Variants in UBR4 observed in about 807,000 individuals in gnomAD.
UBR4 encodes E3 ubiquitin-protein ligase UBR4.
A neutral mutation model predicts 575.6 loss-of-function variants in UBR4; 124 were observed. The ratio of observed to expected loss-of-function variants is 0.22; its 90% CI spans 0.19 to 0.25. UBR4 has a LOEUF of 0.25. UBR4 is among the 10% of genes least tolerant of loss of function. UBR4 has a pLI of 1.00. For missense variants in UBR4, 4,818 were observed against 6,478.8 expected (o/e 0.74, Z 8.80); for synonymous variants, 2,455 against 2,473.7 (o/e 0.99, Z 0.22).
chr1:19,120,072 C>T (rs2081003536), intron 69 of UBR4, 108 bp downstream of exon 69: 12 of 1,314,574 alleles, frequency 9.1e-6, no homozygotes, highest in South Asian at 1.4e-5. Context: ...TTCAGGCTGG[C>T]GTAACTACTG....
chr1:19,115,763 G>T, intron 73 of UBR4, 126 bp from the exon 74 acceptor site: 6 of 1,424,324 alleles, frequency 4.2e-6, no homozygotes, highest in Non-Finnish European at 4.7e-6. Context: ...CTAAGGAAAA[G>T]AAATCTGGCA....
At position 19,105,045 on chromosome 1, in the gene UBR4, T is replaced by A; in HGVS notation, c.12645+3A>T. ...GGCTCTCTTGGGCAATAGGGTAGGA[T>A]ACCTTGGTGATGAGGTTGCCCACAT... On this transcript the variant is annotated splice_donor_region_variant and intron_variant, in intron 85 of 105. Coordinates refer to ENST00000375254, the MANE Select transcript of UBR4 (RefSeq NM_020765.3). 6.2e-7 allele frequency: 1 copy of A among 1,613,678 alleles called. No individual in the cohort carries two copies. Among genetic ancestry groups the A allele is most frequent in the African/African-American group, 1.3e-5 (1 of 75,010 alleles).
intron 84 of UBR4, among the ~76,000 whole-genome samples, 160 bp downstream of exon 84, chr1:19,105,573 C>A (rs2079096350): frequency 6.6e-6 from 1 of 152,222 alleles, no homozygotes. Flanking sequence ...ACCACCACCA[C>A]TACCATCACT....
At chr1:19,085,234 A>G (rs929250619) in intron 101 of UBR4, among the ~76,000 whole-genome samples, 1 of 152,238 alleles carries the variant, frequency 6.6e-6, no homozygotes, top group Non-Finnish European at 1.5e-5. Flanking sequence ...ACAAGAATAC[A>G]TGCCTGGCCG....
chr1:19,178,693 C>A (rs143764767), intron 18 of UBR4, among the ~76,000 whole-genome samples: 3 of 152,210 alleles, frequency 2.0e-5, no homozygotes, highest in Non-Finnish European at 2.9e-5. Context: ...CCAAAAAACA[C>A]TGCAAGTGCC....
Position 19,161,045 on chromosome 1 carries a change from T to C in UBR4, c.5278A>G (p.Ser1760Gly). 2 of 1,614,168 alleles carry C rather than the reference T, an allele frequency of 1.2e-6. No homozygotes were observed. The highest frequency in any genetic ancestry group is 1.7e-6 in the Non-Finnish European group (2 of 1,180,016). The part of the protein sequence containing the change: ...RISESLVRHA[S>G]TSSPADKAKV... ...GCTTTGTCAGCTGGCGAGGAGGTGC[T>C]GGCATGACGCACTAGACTCTCTGAA... The change falls in exon 38 of 106, where the codon AGC (serine) becomes GGC (glycine). Residue 1760 changes from serine to glycine, a missense_variant. Physicochemically the swap from Ser to Gly is moderately conservative, Grantham distance 56. This residue lies in a region of UBR4 where 159 missense variants were observed against 174.6 expected (regional missense o/e 0.91). Transcript: ENST00000375254.
chr1:19,165,015 G>T lies in UBR4; in HGVS notation c.4313-18C>A. 2.5e-6 allele frequency: 4 copies of T among 1,613,534 alleles called. No homozygotes were observed. Among genetic ancestry groups the T allele is most frequent in the Non-Finnish European group, 3.4e-6 (4 of 1,179,680 alleles). On this transcript the variant is annotated intron_variant, in intron 31 of 105. Transcript: ENST00000375254. ...CTTCTCAGCTAGGAGCAGAACAAGA[G>T]GCCAGGGTCAGTAAAGAAGGGCAAG...
Position 19,176,609 on chromosome 1 carries a change from G to A in UBR4, c.2756C>T (p.Ser919Phe). ...TTTCTGACCTGATGAGAAATGCTTAGACCAGTTTTCTTCTACTTCTTTGAA... is the reference window on the plus strand; with the variant it reads ...TTTCTGACCTGATGAGAAATGCTTAAACCAGTTTTCTTCTACTTCTTTGAA... ...HGFKEVEENW[S>F]KHFSSDAVPH... Residue 919 changes from serine to phenylalanine, a missense_variant, in exon 20 of 106, where the codon TCT (serine) becomes TTT (phenylalanine). Ser to Phe is a radical substitution (Grantham distance 155). This residue lies in a region of UBR4 where 1,172 missense variants were observed against 1,259.7 expected (regional missense o/e 0.93). Transcript: ENST00000375254. The A allele has an allele frequency of 6.2e-7, 1 of 1,613,840 alleles. No individual in the cohort carries two copies. Among genetic ancestry groups the A allele is most frequent in the Non-Finnish European group, 8.5e-7 (1 of 1,179,978 alleles).
intron 34 of UBR4, among the ~76,000 whole-genome samples, chr1:19,162,918 A>G (rs2087628048): frequency 2.0e-5 from 3 of 152,202 alleles, no homozygotes; most frequent in African/African-American, 7.2e-5. Context: ...AAAATCATTC[A>G]AGAAAAGACC....
chr1:19,184,238 CT>C, intron 15 of UBR4, 63 bp from the exon 16 acceptor site: 1 of 1,530,416 alleles, frequency 6.5e-7, no homozygotes, highest in Non-Finnish European at 8.8e-7. Context: ...CCTATAAACT[CT>C]GATTACAAAT....
At chr1:19,148,793 C>A (rs556036101) in intron 49 of UBR4, among the ~76,000 whole-genome samples, 167 bp from the exon 50 acceptor site, 2 of 152,338 alleles carry the variant, frequency 1.3e-5, no homozygotes, top group South Asian at 4.1e-4. Context: ...TCGTTTCCTA[C>A]GTTACAGGCC....
At position 19,192,804 on chromosome 1, in the gene UBR4, C is replaced by T. The variant is rs547108655; in HGVS notation, c.1144-264G>A. Among the ~76,000 whole-genome samples, 54 of 151,362 alleles carry T rather than the reference C, an allele frequency of 3.6e-4. 1 individual carries two copies. In the South Asian group the frequency reaches 5.4e-3, roughly 15 times the overall value. On this transcript the variant is annotated intron_variant, in intron 9 of 105. Transcript: ENST00000375254. The stretch of plus-strand genomic sequence containing the variant: ...TCAGATCACTTTTTTTTTTTTAAGA[C>T]GGAGTTTCACTCTTGTTGTCCAGGC...
intron 105 of UBR4, 76 bp downstream of exon 105, chr1:19,076,664 G>A (rs2075972529): frequency 6.3e-7 from 1 of 1,595,816 alleles, no homozygotes; most frequent in Non-Finnish European, 8.6e-7. Context: ...TGAAGATAAA[G>A]CTACGGATGA....
chr1:19,118,083 C>T, intron 71 of UBR4, 173 bp from the exon 72 acceptor site: 1 of 578,646 alleles, frequency 1.7e-6, no homozygotes, highest in Non-Finnish European at 3.1e-6. Context: ...GGTTACGAAG[C>T]CACAGGAAAG....
intron 31 of UBR4, 56 bp downstream of exon 31, chr1:19,165,193 A>C: frequency 2.6e-6 from 4 of 1,527,958 alleles, no homozygotes; most frequent in Non-Finnish European, 3.6e-6. Flanking sequence ...AGATATGCAC[A>C]GTATTAGCCG....
At chr1:19,075,670 G>A (rs900653225) in intron 105 of UBR4, among the ~76,000 whole-genome samples, 1 of 152,254 alleles carries the variant, frequency 6.6e-6, no homozygotes, top group African/African-American at 2.4e-5. Context: ...ACTGCAAGGG[G>A]CAGCCAATGC....
intron 74 of UBR4, 113 bp from the exon 75 acceptor site, chr1:19,115,062 C>A: frequency 7.0e-7 from 1 of 1,432,060 alleles, no homozygotes; most frequent in Non-Finnish European, 9.5e-7. Flanking sequence ...ACTGCAGGGG[C>A]TACTGAAGGG....
At chr1:19,143,456 T>C (rs1288917526) in intron 55 of UBR4, among the ~76,000 whole-genome samples, 1 of 152,014 alleles carries the variant, frequency 6.6e-6, no homozygotes, top group Non-Finnish European at 1.5e-5. Flanking sequence ...TGCCCTTGAC[T>C]GTATTGTGTA....
In UBR4 at chr1:19,173,164, G is replaced by A; in HGVS notation, c.3291+17C>T. On this transcript the variant is annotated intron_variant, in intron 24 of 105. Transcript: ENST00000375254. The stretch of plus-strand genomic sequence containing the variant: ...GTAGAAACCAAGTTCTATCATTTAG[G>A]TTCCAATATTACATACCTGTCGAGC... 1 of 1,614,042 alleles carries A rather than the reference G, an allele frequency of 6.2e-7. No individual in the cohort carries two copies. The highest frequency in any genetic ancestry group is 1.1e-5 in the South Asian group (1 of 91,080).
Sources: gnomAD v4.1 joint callset for allele counts (sites outside exome capture counted in the v4.1 genomes callset) on GRCh38, gnomAD v4.1.1 for gene constraint, gnomAD v4.1.1 regional missense constraint, MANE v1.5 for transcripts, NCBI Gene and HGNC (gene_info 2026-07-23, HGNC 2026-07-21) for gene names.